The following C1orf185 variants were observed in gnomAD, a reference collection of about 807,000 sequenced individuals.
C1orf185 encodes the protein uncharacterized protein C1orf185.
In C1orf185, 13 loss-of-function variants were observed where a neutral mutation model predicts 16.1. The ratio of observed to expected loss-of-function variants is 0.81; its 90% CI spans 0.53 to 1.28. The LOEUF is 1.28. Among genes scored for constraint, C1orf185 ranks in the 50% most tolerant of loss-of-function variants. The pLI is 0.00. For synonymous variants in C1orf185, 80 were observed against 76.9 expected, an observed-to-expected ratio of 1.04 and a Z score of -0.21; for missense variants, 220 against 225.2, an observed-to-expected ratio of 0.98 and a Z score of 0.15.
At chr1:51,110,127 T>A (rs569067259) in intron 1 of C1orf185, among the ~76,000 whole-genome samples, 4 of 152,338 alleles carry the variant, frequency 2.6e-5, no homozygotes, top group African/African-American at 9.6e-5. Flanking sequence ...ACCAGTTCTA[T>A]TCTTTTGAGA....
At chr1:51,123,926 T>G (rs1305465876) in intron 3 of C1orf185, among the ~76,000 whole-genome samples, 6 of 151,524 alleles carry the variant, frequency 4.0e-5, no homozygotes, top group Non-Finnish European at 7.4e-5. Context: ...ATATATATTT[T>G]ATACACACAT....
At chr1:51,114,699 G>T (rs985506007) in intron 2 of C1orf185, among the ~76,000 whole-genome samples, 3 of 152,130 alleles carry the variant, frequency 2.0e-5, no homozygotes, top group Admixed American at 6.5e-5. Flanking sequence ...CTCCAGCCTG[G>T]GTGACAAGCG....
intron 3 of C1orf185, among the ~76,000 whole-genome samples, chr1:51,128,148 C>T (rs533209816): frequency 1.7e-4 from 26 of 152,102 alleles, no homozygotes; most frequent in Admixed American, 1.3e-3. Flanking sequence ...CTTGGCCTCC[C>T]GAAGCACTGG....
chr1:51,152,187 G>A (rs560783290), downstream of C1orf185, among the ~76,000 whole-genome samples: 427 of 152,256 alleles, frequency 2.8e-3, no homozygotes, highest in Non-Finnish European at 4.4e-3. Context: ...TTTGCCAACA[G>A]GATCAGCAGT....
At chr1:51,152,201 A>G (rs1204767785), downstream of C1orf185, among the ~76,000 whole-genome samples, 1 of 152,168 alleles carries the variant, frequency 6.6e-6, no homozygotes, top group Non-Finnish European at 1.5e-5. Flanking sequence ...CAGCAGTTGG[A>G]AGAACTGGAC....
chr1:51,134,530 AAC>A (rs1646308488), intron 3 of C1orf185, among the ~76,000 whole-genome samples: 1 of 151,570 alleles, frequency 6.6e-6, no homozygotes. Context: ...ACAAAAAAAA[AAC>A]ATTCAAAAGA....
At chr1:51,129,917 T>G (rs1488944005) in intron 3 of C1orf185, among the ~76,000 whole-genome samples, 2 of 152,192 alleles carry the variant, frequency 1.3e-5, no homozygotes, top group Non-Finnish European at 2.9e-5. Flanking sequence ...AGGGTTAAGA[T>G]TTCAGTGTAT....
chr1:51,112,565 C>A lies in C1orf185; in HGVS notation c.118C>A (p.Arg40=), dbSNP rs200512447. Residue 40 remains arginine, a synonymous_variant, in exon 2 of 5, where the codon CGA becomes AGA. Coordinates refer to ENST00000371759, the MANE Select transcript of C1orf185 (RefSeq NM_001136508.2). ...ASALWFLICK[R]REIFQNSKFK... ...AGCTTTGTGGTTCCTGATTTGCAAA[C>A]GAAGGTAAGGATTATTCGAATATTT... 1.3e-6 allele frequency: 2 copies of A among 1,543,016 alleles called. No homozygotes were observed. Among genetic ancestry groups the A allele is most frequent in the African/African-American group, 1.4e-5 (1 of 72,624 alleles).
intron 1 of C1orf185, among the ~76,000 whole-genome samples, chr1:51,110,722 A>G (rs1646110146): frequency 6.6e-6 from 1 of 152,170 alleles, no homozygotes; most frequent in Admixed American, 6.6e-5. Context: ...TAATCCCAGC[A>G]CTGCGGGAGG....
intron 3 of C1orf185, among the ~76,000 whole-genome samples, chr1:51,145,089 A>C (rs940102945): frequency 1.3e-5 from 2 of 152,142 alleles, no homozygotes; most frequent in African/African-American, 4.8e-5. Flanking sequence ...CTACAACACT[A>C]TACTTCCCAG....
intron 3 of C1orf185, among the ~76,000 whole-genome samples, chr1:51,125,679 A>G (rs1646235035): frequency 6.6e-6 from 1 of 152,210 alleles, no homozygotes; most frequent in African/African-American, 2.4e-5. Context: ...AAAAAGCTTC[A>G]TTGTAAGGTC....
At chr1:51,142,737 A>G (rs893097313) in intron 3 of C1orf185, among the ~76,000 whole-genome samples, 7 of 151,992 alleles carry the variant, frequency 4.6e-5, no homozygotes, top group African/African-American at 1.7e-4. Flanking sequence ...CTGTAGTGAT[A>G]TTCTCTTGTT....
chr1:51,141,092 G>A (rs966310987), intron 3 of C1orf185, among the ~76,000 whole-genome samples: 3 of 152,154 alleles, frequency 2.0e-5, no homozygotes, highest in Non-Finnish European at 4.4e-5. Context: ...GAGAAGTGAA[G>A]AGAACAAAAA....
downstream of C1orf185, among the ~76,000 whole-genome samples, chr1:51,152,257 A>G (rs1192805367): frequency 6.6e-6 from 1 of 152,192 alleles, no homozygotes; most frequent in Non-Finnish European, 1.5e-5. Context: ...GACAAACCAG[A>G]ATCCACTGGC....
intron 3 of C1orf185, among the ~76,000 whole-genome samples, chr1:51,144,988 A>T (rs1441305707): frequency 6.6e-6 from 1 of 152,146 alleles, no homozygotes; most frequent in Non-Finnish European, 1.5e-5. Flanking sequence ...CTTCTAGAGA[A>T]TCTGTTTCAG....
intron 3 of C1orf185, among the ~76,000 whole-genome samples, chr1:51,123,282 T>G (rs184125931): frequency 6.6e-6 from 1 of 152,306 alleles, no homozygotes; most frequent in East Asian, 1.9e-4. Context: ...TACTGCCACA[T>G]TGTGGATTAA....
At position 51,140,600 on chromosome 1, in the gene C1orf185, T is replaced by C. The variant is rs559023894; in HGVS notation, c.259-5124T>C. Among the ~76,000 whole-genome samples the C allele has an allele frequency of 6.6e-5, 10 of 152,330 alleles. No individual in the cohort carries two copies. The East Asian group carries it at 1.9e-3, about 29-fold the overall frequency. ...CCACATGGTTGGTATAATTCAGTAG[T>C]CATCTAGAGTGTCCTTTGTGGAAAA... On this transcript the variant is annotated intron_variant, in intron 3 of 4. Coordinates refer to ENST00000371759, the MANE Select transcript of C1orf185 (RefSeq NM_001136508.2).
At chr1:51,120,791 T>A (rs1408376878) in intron 3 of C1orf185, among the ~76,000 whole-genome samples, 1 of 152,210 alleles carries the variant, frequency 6.6e-6, no homozygotes, top group Non-Finnish European at 1.5e-5. Flanking sequence ...TTGATTAGGT[T>A]GTTTATTATT....
intron 3 of C1orf185, among the ~76,000 whole-genome samples, chr1:51,145,182 T>C (rs1646391028): frequency 6.6e-6 from 1 of 151,802 alleles, no homozygotes; most frequent in African/African-American, 2.4e-5. Flanking sequence ...GGCGCACACC[T>C]GCAGTCCAGC....
Sources: gnomAD v4.1 joint callset for allele counts (sites outside exome capture counted in the v4.1 genomes callset) on GRCh38, gnomAD v4.1.1 for gene constraint, MANE v1.5 for transcripts, NCBI Gene and HGNC (gene_info 2026-07-23, HGNC 2026-07-21) for gene names.